The following DAB2 variants were observed in gnomAD, a reference collection of about 807,000 sequenced individuals.
The protein encoded by DAB2 is DAB adaptor protein 2.
A neutral mutation model predicts 71.6 loss-of-function variants in DAB2; 28 were observed. The ratio of observed to expected loss-of-function variants is 0.39; its 90% CI spans 0.29 to 0.54. DAB2 has a LOEUF of 0.54. Among genes scored for constraint, DAB2 ranks in the 20% least tolerant of loss-of-function variants. DAB2 has a pLI of 0.68. For missense variants in DAB2, 867 were observed against 928.8 expected (o/e 0.93, Z 0.86); for synonymous variants, 345 against 339.7 (o/e 1.02, Z -0.17).
intron 1 of DAB2, among the ~76,000 whole-genome samples, chr5:39,411,559 C>G (rs1448354504): frequency 6.6e-6 from 1 of 152,138 alleles, no homozygotes; most frequent in African/African-American, 2.4e-5. Flanking sequence ...AGGATCCACT[C>G]CATGGTAACA....
At chr5:39,393,102 C>T (rs865786707) in intron 3 of DAB2, 152 bp downstream of exon 3, 5 of 737,762 alleles carry the variant, frequency 6.8e-6, no homozygotes, top group Middle Eastern at 5.6e-4. Flanking sequence ...CAAACACTCA[C>T]GGTTTCTCAG....
chr5:39,383,385 G>C, intron 9 of DAB2, 114 bp from the exon 10 acceptor site: 1 of 888,662 alleles, frequency 1.1e-6, no homozygotes, highest in Non-Finnish European at 1.7e-6. Context: ...ATTTGGTCTT[G>C]ATAAATCGGT....
rs1228960726 is a variant in DAB2, at chr5:39,389,870, C to A, written c.525G>T (p.Lys175Asn). ...LFQVIYNVKK[K>N]EEEKKKIEEA... is the part of the protein sequence containing the mutation. Reference sequence around the variant, plus strand: ...TACTTGCCTTTTTCTTTTCTTCTTCCTTTTTCTTTACATTATAGATAACTT... The same window carrying A: ...TACTTGCCTTTTTCTTTTCTTCTTCATTTTTCTTTACATTATAGATAACTT... The change falls in exon 6 of 15, where the codon AAG (lysine) becomes AAT (asparagine). Residue 175 changes from lysine to asparagine, a missense_variant. Physicochemically the swap from Lys to Asn is moderately conservative, Grantham distance 94 (BLOSUM62 0). This residue lies in a region of DAB2 where 740 missense variants were observed against 734.3 expected (regional missense o/e 1.01). Transcript: ENST00000320816. 6.3e-7 allele frequency: 1 copy of A among 1,579,540 alleles called. No homozygotes were observed. The highest frequency in any genetic ancestry group is 1.4e-5 in the African/African-American group (1 of 73,570).
At position 39,422,643 on chromosome 5, in the gene DAB2, C is replaced by T. The variant is rs1357719026; in HGVS notation, c.-102+2161G>A. 6.6e-6 allele frequency among the ~76,000 whole-genome samples: 1 copy of T among 152,116 alleles called. No individual in the cohort carries two copies. Among genetic ancestry groups the T allele is most frequent in the African/African-American group, 2.4e-5 (1 of 41,412 alleles). Reference sequence around the variant, plus strand: ...GAGCACTCAGCAAGGAAGATATCTTCCTGCTCCCTTAACCTTCAGATAATC... The same window carrying T: ...GAGCACTCAGCAAGGAAGATATCTTTCTGCTCCCTTAACCTTCAGATAATC... On this transcript the variant is annotated intron_variant, in intron 1 of 14. Coordinates refer to ENST00000320816, the MANE Select transcript of DAB2 (RefSeq NM_001343.4). The surrounding 1 kb of genome is among the most constrained non-coding windows in gnomAD (Gnocchi z 4.1).
chr5:39,383,174 G>C lies in DAB2; in HGVS notation c.785C>G (p.Ser262Cys). The change falls in exon 10 of 15, where the codon TCC becomes TGC. Residue 262 changes from serine (S) to cysteine (C), a missense_variant. Around this residue, in one of 2 missense-constraint regions of DAB2, gnomAD observed 740 missense variants for 734.3 expected, o/e 1.01. Coordinates refer to ENST00000320816, the MANE Select transcript of DAB2 (RefSeq NM_001343.4). The stretch of plus-strand genomic sequence containing the variant: ...AGGCGTTGGTCGAGGAAGAGAACAG[G>C]AGGTGATGCCGTTTGTTAAGAATGG... Reference protein sequence around the residue: ...ENPFLTNGITSCSLPRPTPQA... With the variant: ...ENPFLTNGITCCSLPRPTPQA... 1 of 1,614,120 alleles carries C rather than the reference G, an allele frequency of 6.2e-7. No homozygotes were observed. Among genetic ancestry groups the C allele is most frequent in the Non-Finnish European group, 8.5e-7 (1 of 1,180,016 alleles).
At chr5:39,405,793 T>C (rs1364120106) in intron 1 of DAB2, among the ~76,000 whole-genome samples, 1 of 152,280 alleles carries the variant, frequency 6.6e-6, no homozygotes, top group African/African-American at 2.4e-5. Context: ...GGAAGAGAGA[T>C]TGGCAAGGTA....
At chr5:39,402,076 A>G (rs1326032761) in intron 1 of DAB2, among the ~76,000 whole-genome samples, 1 of 151,952 alleles carries the variant, frequency 6.6e-6, no homozygotes, top group Non-Finnish European at 1.5e-5. Context: ...GAAAAGGGAA[A>G]CCCCTTTTAA....
intron 1 of DAB2, among the ~76,000 whole-genome samples, chr5:39,412,009 G>A (rs2112101058): frequency 6.6e-6 from 1 of 152,256 alleles, no homozygotes; most frequent in South Asian, 2.1e-4. Context: ...TATCAGAGGT[G>A]AGATGTGAAT....
Position 39,372,904 on chromosome 5 carries a change from T to C in DAB2, c.*527A>G, listed in dbSNP as rs552154691. 3.3e-5 allele frequency: 5 copies of C among 152,234 alleles called. No homozygotes were observed. In the South Asian group the frequency reaches 1.0e-3, roughly 32 times the overall value. 9.4% of individuals were successfully genotyped at this position (152,234 alleles called of 1,614,324 possible). A position where few individuals can be genotyped will look rare whatever the true frequency, so the allele number is the denominator to read the frequency against. ...CAAAGTGTCTAAGGAGAAGTTGTAGTTGCTTCAATTTTACTTTAGAAATTC... is the reference window on the plus strand; with the variant it reads ...CAAAGTGTCTAAGGAGAAGTTGTAGCTGCTTCAATTTTACTTTAGAAATTC... On this transcript the variant is annotated 3_prime_UTR_variant, in exon 15 of 15. Transcript: ENST00000320816.
chr5:39,401,927 T>A (rs1004737406), intron 1 of DAB2, among the ~76,000 whole-genome samples: 1 of 151,910 alleles, frequency 6.6e-6, no homozygotes, highest in African/African-American at 2.4e-5. Context: ...TAATTTTTTG[T>A]ATTTTTGAGA....
intron 8 of DAB2, 80 bp from the exon 9 acceptor site, chr5:39,388,447 A>C: frequency 1.0e-6 from 1 of 970,702 alleles, no homozygotes; most frequent in African/African-American, 1.6e-5. Flanking sequence ...TTGTTTCCTA[A>C]AGTTTAGGAA....
intron 14 of DAB2, 99 bp downstream of exon 14, chr5:39,374,915 C>A: frequency 1.3e-6 from 1 of 779,768 alleles, no homozygotes; most frequent in Non-Finnish European, 2.2e-6. Context: ...TAGATATTTA[C>A]CCTCTTCCCA....
At chr5:39,387,533 C>A (rs1200656252) in intron 9 of DAB2, among the ~76,000 whole-genome samples, 1 of 152,078 alleles carries the variant, frequency 6.6e-6, no homozygotes, top group Non-Finnish European at 1.5e-5. Flanking sequence ...TACTGCTATG[C>A]CTTGCAAATA....
intron 1 of DAB2, among the ~76,000 whole-genome samples, chr5:39,420,153 T>A (rs1002256238): frequency 2.6e-5 from 4 of 152,248 alleles, no homozygotes; most frequent in Non-Finnish European, 5.9e-5. Flanking sequence ...TTGTCTTAGA[T>A]GAGTTCCCTC....
chr5:39,393,694 T>C (rs534744918), intron 2 of DAB2, among the ~76,000 whole-genome samples: 3 of 152,234 alleles, frequency 2.0e-5, no homozygotes, highest in African/African-American at 7.2e-5. Flanking sequence ...CATAGTTTTT[T>C]TTAAGTCTTT....
Position 39,392,462 on chromosome 5 carries a change from C to G in DAB2, c.233G>C (p.Gly78Ala), listed in dbSNP as rs765551911. 6.2e-7 allele frequency: 1 copy of G among 1,610,246 alleles called. No individual in the cohort carries two copies. Reference sequence around the variant, plus strand: ...CTGAGACCGACCAGCTGCCGCCATTCCCTGATGAGGGTGGAAAAACAAGAG... The same window carrying G: ...CTGAGACCGACCAGCTGCCGCCATTGCCTGATGAGGGTGGAAAAACAAGAG... ...MSQDSMMKLK[G>A]MAAAGRSQGQ... The change falls in exon 4 of 15, where the codon GGA becomes GCA. Residue 78 changes from glycine to alanine, a missense_variant and splice_region_variant. By Grantham distance (60) the Gly-to-Ala change is moderately conservative. Transcript: ENST00000320816.
chr5:39,417,646 A>G (rs1755878820), intron 1 of DAB2: 1 of 152,206 alleles, frequency 6.6e-6, no homozygotes, highest in East Asian at 1.9e-4. Context: ...AGTAGTTACT[A>G]TTTTCTCTAA....
chr5:39,419,392 T>A (rs1561382512), intron 1 of DAB2, among the ~76,000 whole-genome samples: 1 of 152,228 alleles, frequency 6.6e-6, no homozygotes, highest in South Asian at 2.1e-4. Context: ...CATAATTGAA[T>A]CCTGGCTCTA....
chr5:39,420,861 C>T (rs985156561), intron 1 of DAB2, among the ~76,000 whole-genome samples: 2 of 152,056 alleles, frequency 1.3e-5, no homozygotes, highest in African/African-American at 2.4e-5. Flanking sequence ...TAGAAGGATG[C>T]GGGAAGGGGA....
Sources: allele counts gnomAD v4.1 joint callset (sites outside exome capture counted in the v4.1 genomes callset), GRCh38; gene constraint gnomAD v4.1.1; regional missense constraint gnomAD v4.1.1; non-coding constraint Gnocchi (gnomAD v3.1); transcripts MANE v1.5; gene names NCBI Gene and HGNC (gene_info 2026-07-23, HGNC 2026-07-21).